FSHR: variants seen among roughly 807,000 people sequenced by gnomAD.
The protein encoded by FSHR is follicle-stimulating hormone receptor.
Under a neutral mutation model 52.1 loss-of-function variants are expected in FSHR, and 46 were observed. The ratio of observed to expected loss-of-function variants is 0.88; its 90% CI spans 0.70 to 1.13. FSHR has a LOEUF of 1.13. Ranked by LOEUF, FSHR falls within the 50% of genes most tolerant of loss-of-function variation. FSHR has a pLI of 0.00. For synonymous variants in FSHR, 399 were observed against 309.6 expected (o/e 1.29, Z -3.03); for missense variants, 964 against 834.6 (o/e 1.16, Z -1.91).
At chr2:49,129,786 A>C (rs553168004) in intron 1 of FSHR, among the ~76,000 whole-genome samples, 2 of 152,224 alleles carry the variant, frequency 1.3e-5, no homozygotes, top group Non-Finnish European at 2.9e-5. Context: ...ATAAATTAGA[A>C]TCCTGACGCG....
At chr2:49,098,964 C>T (rs976950521) in intron 1 of FSHR, among the ~76,000 whole-genome samples, 4 of 150,658 alleles carry the variant, frequency 2.7e-5, no homozygotes, top group Non-Finnish European at 4.4e-5. Context: ...ACATCCCACA[C>T]ATACACACAT....
chr2:49,012,970 G>A (rs987357285), intron 4 of FSHR, among the ~76,000 whole-genome samples: 1 of 152,072 alleles, frequency 6.6e-6, no homozygotes, highest in Non-Finnish European at 1.5e-5. Context: ...GGTAATTAAG[G>A]TTAAATGAGG....
At chr2:48,995,690 C>G (rs530632399) in intron 4 of FSHR, among the ~76,000 whole-genome samples, 18 of 152,194 alleles carry the variant, frequency 1.2e-4, no homozygotes, top group African/African-American at 4.3e-4. Context: ...CATGTTTTCA[C>G]CAGCCCATCA....
chr2:49,062,290 A>C (rs982762848), intron 2 of FSHR, among the ~76,000 whole-genome samples: 2 of 152,172 alleles, frequency 1.3e-5, no homozygotes, highest in South Asian at 4.1e-4. Context: ...TTTTCAACAA[A>C]GACATTGAGA....
At chr2:49,142,976 T>C (rs977903797) in intron 1 of FSHR, among the ~76,000 whole-genome samples, 1 of 152,198 alleles carries the variant, frequency 6.6e-6, no homozygotes, top group African/African-American at 2.4e-5. Context: ...TTTGAGATGC[T>C]TGTAAAAGTC....
intron 1 of FSHR, among the ~76,000 whole-genome samples, chr2:49,122,326 A>T (rs12105877): frequency 0.25 from 37,486 of 152,046 alleles, 4,970 homozygotes; most frequent in East Asian, 0.47. Flanking sequence ...TTCCTAATGC[A>T]TAGAGGGGGG....
In FSHR at chr2:48,989,101, A is replaced by C. The variant is rs1675651143; in HGVS notation, c.447-47T>G. The C allele has an allele frequency of 2.0e-6, 3 of 1,494,212 alleles. No homozygotes were observed. In the South Asian group the frequency reaches 3.4e-5, roughly 17 times the overall value. 92.6% of individuals were successfully genotyped at this position (1,494,212 alleles called of 1,614,324 possible). A position where few individuals can be genotyped will look rare whatever the true frequency, so the allele number is the denominator to read the frequency against. On this transcript the variant is annotated intron_variant, in intron 5 of 9. Transcript: ENST00000406846. ...TAAGATACTTACATCAGCTCTACTCATGTAACCTTCCAAAATTTAGTTTAA... is the reference window on the plus strand; with the variant it reads ...TAAGATACTTACATCAGCTCTACTCCTGTAACCTTCCAAAATTTAGTTTAA...
chr2:49,088,625 A>C (rs1265015706), intron 1 of FSHR, among the ~76,000 whole-genome samples: 1 of 152,174 alleles, frequency 6.6e-6, no homozygotes, highest in Non-Finnish European at 1.5e-5. Flanking sequence ...CCCTCAGTTA[A>C]TATCCACCTG....
At chr2:49,145,374 TATAAA>T (rs1472925378) in intron 1 of FSHR, among the ~76,000 whole-genome samples, 1 of 152,116 alleles carries the variant, frequency 6.6e-6, no homozygotes, top group Non-Finnish European at 1.5e-5. Flanking sequence ...GTGCCCTTCT[TATAAA>T]ATAAAACAAG....
chr2:49,056,047 G>T (rs1450398545), intron 2 of FSHR, among the ~76,000 whole-genome samples: 1 of 151,716 alleles, frequency 6.6e-6, no homozygotes, highest in Non-Finnish European at 1.5e-5. Flanking sequence ...CCACCTAATT[G>T]CAATAATTAA....
chr2:49,061,863 T>TTA (rs979654099), intron 2 of FSHR, among the ~76,000 whole-genome samples: 3 of 143,196 alleles, frequency 2.1e-5, no homozygotes, highest in Non-Finnish European at 3.0e-5. Flanking sequence ...TATAATATAT[T>TTA]TATATATATA....
intron 8 of FSHR, among the ~76,000 whole-genome samples, chr2:48,970,496 CT>C (rs1423986526): frequency 1.3e-5 from 2 of 151,910 alleles, no homozygotes; most frequent in African/African-American, 4.8e-5. Context: ...TCTCCGTTGA[CT>C]TCTTTCTGAT....
chr2:48,972,441 G>C (rs1240420200), intron 8 of FSHR, among the ~76,000 whole-genome samples: 2 of 152,106 alleles, frequency 1.3e-5, no homozygotes, highest in African/African-American at 2.4e-5. Flanking sequence ...ATGAATCTTT[G>C]ATCTCTGCTG....
At chr2:49,056,472 A>G (rs1275650389) in intron 2 of FSHR, among the ~76,000 whole-genome samples, 1 of 128,974 alleles carries the variant, frequency 7.8e-6, no homozygotes, top group Non-Finnish European at 1.7e-5. Flanking sequence ...ATATATATAT[A>G]TATATATATA....
chr2:49,001,624 C>G (rs1220295053), intron 4 of FSHR, among the ~76,000 whole-genome samples: 1 of 152,146 alleles, frequency 6.6e-6, no homozygotes, highest in Admixed American at 6.6e-5. Context: ...TCCCACAACT[C>G]ATTTCTAATA....
At chr2:48,981,160 G>A (rs756058695) in intron 8 of FSHR, among the ~76,000 whole-genome samples, 3 of 152,116 alleles carry the variant, frequency 2.0e-5, no homozygotes, top group Non-Finnish European at 4.4e-5. Context: ...TTGAGTACAT[G>A]GACTATATGC....
intron 1 of FSHR, among the ~76,000 whole-genome samples, chr2:49,139,285 T>C (rs1013169620): frequency 3.3e-5 from 5 of 152,196 alleles, no homozygotes; most frequent in African/African-American, 4.8e-5. Flanking sequence ...TGGGTGTATA[T>C]GGAGACCCAT....
chr2:49,080,875 G>T (rs995271365), intron 1 of FSHR, among the ~76,000 whole-genome samples: 1 of 151,958 alleles, frequency 6.6e-6, no homozygotes, highest in Non-Finnish European at 1.5e-5. Context: ...TAACACTCTG[G>T]GCCATTATTC....
At chr2:49,003,907 T>A (rs561318551) in intron 4 of FSHR, among the ~76,000 whole-genome samples, 2 of 152,082 alleles carry the variant, frequency 1.3e-5, no homozygotes, top group South Asian at 4.2e-4. Context: ...TGGAGATGGG[T>A]AGCTCTCAAT....
Sources: gnomAD v4.1 joint callset for allele counts (sites outside exome capture counted in the v4.1 genomes callset) on GRCh38, gnomAD v4.1.1 for gene constraint, MANE v1.5 for transcripts, NCBI Gene and HGNC (gene_info 2026-07-23, HGNC 2026-07-21) for gene names.